Variants in HS6ST3 observed in about 807,000 individuals in gnomAD.
HS6ST3 encodes heparan sulfate 6-O-sulfotransferase 3.
Under a neutral mutation model 36.7 loss-of-function variants are expected in HS6ST3, and 12 were observed. The observed-to-expected ratio is 0.33, with a 90% confidence interval of 0.21 to 0.53. The LOEUF (loss-of-function observed/expected upper bound fraction) is 0.53, where lower values mean the gene tolerates loss of function less well. Among genes scored for constraint, HS6ST3 ranks in the 20% least tolerant of loss-of-function variants. The probability of loss-of-function intolerance (pLI) is 0.95; values close to 1 mark genes in which losing one functional copy is unlikely to be tolerated. For missense variants in HS6ST3, 584 were observed against 640.9 expected (o/e 0.91, Z 0.96); for synonymous variants, 240 against 257.5 (o/e 0.93, Z 0.65).
intron 1 of HS6ST3, among the ~76,000 whole-genome samples, chr13:96,625,260 T>G (rs575120104): frequency 7.9e-5 from 12 of 152,312 alleles, no homozygotes; most frequent in African/African-American, 2.4e-4. Flanking sequence ...GCAGCAAGGG[T>G]AACTAAAGGT....
intron 1 of HS6ST3, among the ~76,000 whole-genome samples, chr13:96,287,257 T>C (rs1002502555): frequency 2.0e-5 from 3 of 152,186 alleles, no homozygotes; most frequent in Admixed American, 2.0e-4. Flanking sequence ...AAGGTATACT[T>C]TCAAATGCTT....
At chr13:96,506,113 T>G (rs2056025191) in intron 1 of HS6ST3, among the ~76,000 whole-genome samples, 1 of 152,156 alleles carries the variant, frequency 6.6e-6, no homozygotes, top group Admixed American at 6.6e-5. Flanking sequence ...CAGGGATTTT[T>G]TTAATAACAT....
At chr13:96,295,831 G>A (rs2054852337) in intron 1 of HS6ST3, among the ~76,000 whole-genome samples, 1 of 152,112 alleles carries the variant, frequency 6.6e-6, no homozygotes, top group African/African-American at 2.4e-5. Flanking sequence ...TGCGCTGATT[G>A]TCAGGGAAGA....
intron 1 of HS6ST3, among the ~76,000 whole-genome samples, chr13:96,829,287 A>G (rs896884585): frequency 6.6e-6 from 1 of 151,360 alleles, no homozygotes; most frequent in African/African-American, 2.4e-5. Context: ...GGTAAGAGCA[A>G]CTTCCCAACT....
intron 1 of HS6ST3, among the ~76,000 whole-genome samples, chr13:96,727,310 C>T (rs1005091901): frequency 2.0e-5 from 3 of 152,004 alleles, no homozygotes; most frequent in South Asian, 2.1e-4. Flanking sequence ...AAATATTCAT[C>T]GTAGTACCTG....
chr13:96,412,829 A>G (rs1029642776), intron 1 of HS6ST3, among the ~76,000 whole-genome samples: 2 of 150,358 alleles, frequency 1.3e-5, no homozygotes, highest in African/African-American at 4.9e-5. Context: ...ACATGTTTGC[A>G]TATACAGTAT....
intron 1 of HS6ST3, among the ~76,000 whole-genome samples, chr13:96,629,548 C>G (rs1346400317): frequency 2.6e-5 from 4 of 152,172 alleles, no homozygotes; most frequent in African/African-American, 9.7e-5. Flanking sequence ...TGCGTTCTCT[C>G]AATGCATTGC....
At chr13:96,214,914 A>G (rs1594719132) in intron 1 of HS6ST3, among the ~76,000 whole-genome samples, 1 of 152,352 alleles carries the variant, frequency 6.6e-6, no homozygotes, top group South Asian at 2.1e-4. Context: ...CGTGCTGCTT[A>G]GAATGTGAAC....
intron 1 of HS6ST3, among the ~76,000 whole-genome samples, chr13:96,718,424 CTGT>C (rs990322945): frequency 1.3e-5 from 2 of 152,138 alleles, no homozygotes; most frequent in African/African-American, 4.8e-5. Context: ...CTGTTACCAA[CTGT>C]GACTCCTTTT....
rs79437971 is a variant in HS6ST3, at chr13:96,827,664, A to G, written c.708-4826A>G. Among the ~76,000 whole-genome samples, 4 of 152,344 alleles carry G rather than the reference A, an allele frequency of 2.6e-5. No individual in the cohort carries two copies. In the East Asian group the frequency reaches 7.7e-4, roughly 29 times the overall value. Reference sequence around the variant, plus strand: ...TTCAAGTTGTACCCCCTTGGCTGATAGAACTCCAAGACATAATTTAGGACT... The same window carrying G: ...TTCAAGTTGTACCCCCTTGGCTGATGGAACTCCAAGACATAATTTAGGACT... On this transcript the variant is annotated intron_variant, in intron 1 of 1. Transcript: ENST00000376705.
intron 1 of HS6ST3, among the ~76,000 whole-genome samples, chr13:96,760,485 TAA>T (rs913506531): frequency 7.4e-6 from 1 of 134,362 alleles, no homozygotes. Flanking sequence ...CGTTGTTCTG[TAA>T]AAAAAAAAAT....
At chr13:96,192,366 G>A (rs138873941) in intron 1 of HS6ST3, among the ~76,000 whole-genome samples, 1 of 152,192 alleles carries the variant, frequency 6.6e-6, no homozygotes, top group East Asian at 1.9e-4. Flanking sequence ...TGCTGGTGGG[G>A]ATGGACTTCT....
At chr13:96,127,535 G>A (rs1222962265) in intron 1 of HS6ST3, among the ~76,000 whole-genome samples, 1 of 152,166 alleles carries the variant, frequency 6.6e-6, no homozygotes, top group African/African-American at 2.4e-5. Context: ...CCTAACAGGC[G>A]ACGGACTGGT....
chr13:96,618,076 C>T (rs556298048), intron 1 of HS6ST3, among the ~76,000 whole-genome samples: 4 of 152,248 alleles, frequency 2.6e-5, no homozygotes, highest in Admixed American at 2.0e-4. Flanking sequence ...TCATCTTGGG[C>T]AACCCCTGTG....
intron 1 of HS6ST3, among the ~76,000 whole-genome samples, chr13:96,392,104 C>T (rs971055042): frequency 1.3e-5 from 2 of 152,184 alleles, no homozygotes; most frequent in African/African-American, 2.4e-5. Context: ...CTTCTCCATG[C>T]CCTTTCTGAC....
At chr13:96,491,724 C>T (rs1482994418) in intron 1 of HS6ST3, among the ~76,000 whole-genome samples, 2 of 152,166 alleles carry the variant, frequency 1.3e-5, no homozygotes, top group African/African-American at 4.8e-5. Flanking sequence ...AGCCCATATA[C>T]ACATGGCCTC....
At chr13:96,191,820 A>C (rs767370437) in intron 1 of HS6ST3, among the ~76,000 whole-genome samples, 1 of 152,230 alleles carries the variant, frequency 6.6e-6, no homozygotes, top group Non-Finnish European at 1.5e-5. Flanking sequence ...TGAGTCAACC[A>C]GTGCTTTGTA....
At position 96,834,256 on chromosome 13, in the gene HS6ST3, G is replaced by T. The variant is rs1234339677; in HGVS notation, c.*1058G>T. ...TAGCATGTATACAAAATATATTTGA[G>T]GTTACTAAATGAATAAAAACTCGGA... On this transcript the variant is annotated 3_prime_UTR_variant, in exon 2 of 2. Transcript: ENST00000376705. The T allele has an allele frequency of 2.6e-5, 4 of 152,284 alleles. No individual in the cohort carries two copies. The East Asian group carries it at 7.7e-4, about 29-fold the overall frequency. The allele number at this position is 152,284 out of a possible 1,614,324, so 9.4% of individuals were successfully genotyped here.
intron 1 of HS6ST3, among the ~76,000 whole-genome samples, chr13:96,136,568 C>A (rs977759637): frequency 2.0e-5 from 3 of 151,780 alleles, no homozygotes; most frequent in African/African-American, 7.3e-5. Context: ...GTGAACCAGT[C>A]GCCTCCCACC....
Sources: gnomAD v4.1 joint callset for allele counts (sites outside exome capture counted in the v4.1 genomes callset) on GRCh38, gnomAD v4.1.1 for gene constraint, MANE v1.5 for transcripts, NCBI Gene and HGNC (gene_info 2026-07-23, HGNC 2026-07-21) for gene names.